The following COL6A5 variants were observed in gnomAD, a reference collection of about 807,000 sequenced individuals.
COL6A5 encodes collagen alpha-5(VI) chain.
In COL6A5, 48 loss-of-function variants were observed where a neutral mutation model predicts 65.6. The observed-to-expected ratio is 0.73, with a 90% confidence interval of 0.58 to 0.93. The LOEUF is 0.93. Among genes scored for constraint, COL6A5 ranks in the 40% least tolerant of loss-of-function variants. COL6A5 has a pLI of 0.00. For missense variants in COL6A5, 914 were observed against 928.3 expected (o/e 0.98, Z 0.20); for synonymous variants, 291 against 322.8 (o/e 0.90, Z 1.05).
intron 1 of COL6A5, among the ~76,000 whole-genome samples, chr3:130,368,354 A>G (rs991585718): frequency 3.3e-5 from 5 of 152,204 alleles, no homozygotes; most frequent in Non-Finnish European, 5.9e-5. Flanking sequence ...CAATAGTTGG[A>G]TAAATGGGGC....
intron 1 of COL6A5, among the ~76,000 whole-genome samples, chr3:130,353,846 A>T (rs1934813116): frequency 6.6e-6 from 1 of 152,062 alleles, no homozygotes; most frequent in Non-Finnish European, 1.5e-5. Context: ...ATAGAAGAAA[A>T]CCATAAAATA....
intron 24 of COL6A5, among the ~76,000 whole-genome samples, chr3:130,417,492 C>T (rs1230662309): frequency 1.3e-5 from 2 of 152,052 alleles, no homozygotes; most frequent in Non-Finnish European, 2.9e-5. Context: ...TGATCTCACC[C>T]ATCAGAAACA....
In COL6A5 at chr3:130,350,291, T is replaced by G. The variant is rs1165900477; in HGVS notation, c.-29+4310T>G. On this transcript the variant is annotated intron_variant and NMD_transcript_variant, in intron 1 of 41. Coordinates refer to the COL6A5 transcript ENST00000312481. ...CTCTCACCACTCCTATTCAACATAG[T>G]GTTGGAAGTTCTAGCCAGGGCAATC... Among the ~76,000 whole-genome samples, 3 of 152,132 alleles carry G rather than the reference T, an allele frequency of 2.0e-5. No homozygotes were observed. The East Asian group carries it at 5.8e-4, about 29-fold the overall frequency.
Position 130,409,967 on chromosome 3 carries a change from A to C in COL6A5, c.4543-42A>C, listed in dbSNP as rs773908145. 9 of 1,356,652 alleles carry C rather than the reference A, an allele frequency of 6.6e-6. No homozygotes were observed. In the East Asian group the frequency reaches 2.3e-4, roughly 34 times the overall value. 84.0% of individuals were successfully genotyped at this position (1,356,652 alleles called of 1,614,324 possible). On this transcript the variant is annotated intron_variant and NMD_transcript_variant, in intron 18 of 41. Transcript: ENST00000312481. ...TCATACCGTTTTGGGGAAAAAGCTG[A>C]TATTTCTGGATTCTAAACTACTTTT...
At chr3:130,406,960 T>C (rs1461167845) in intron 17 of COL6A5, among the ~76,000 whole-genome samples, 2 of 152,162 alleles carry the variant, frequency 1.3e-5, no homozygotes, top group Non-Finnish European at 2.9e-5. Flanking sequence ...TCATCAAAGA[T>C]CCCACAGTAT....
chr3:130,461,345 G>A (rs1330756367), intron 5 of COL6A5, among the ~76,000 whole-genome samples: 1 of 152,102 alleles, frequency 6.6e-6, no homozygotes, highest in African/African-American at 2.4e-5. Context: ...GATGAACAAT[G>A]AATGAGGAAT....
At position 130,458,254 on chromosome 3, in the gene COL6A5, A is replaced by C. The variant is rs187232719; in HGVS notation, c.1544+2588A>C. On this transcript the variant is annotated intron_variant, in intron 5 of 7. Coordinates refer to ENST00000512836, the Ensembl canonical transcript of COL6A5. Reference sequence around the variant, plus strand: ...CTATATCAGAATTATCTGGAAGCTCATTATAAGCACAGATTCCTAAGCCCT... The same window carrying C: ...CTATATCAGAATTATCTGGAAGCTCCTTATAAGCACAGATTCCTAAGCCCT... Among the ~76,000 whole-genome samples, 377 of 152,246 alleles carry C rather than the reference A, an allele frequency of 2.5e-3. 7 individuals are homozygous for C. The highest frequency in any genetic ancestry group is 0.02 in the Admixed American group (306 of 15,270).
chr3:130,403,135 G>C (rs886984858), intron 12 of COL6A5, among the ~76,000 whole-genome samples: 5 of 152,212 alleles, frequency 3.3e-5, no homozygotes, highest in African/African-American at 1.2e-4. Context: ...CCACAACACA[G>C]TTAAACCACA....
chr3:130,462,599 A>T (rs951908309), intron 5 of COL6A5, among the ~76,000 whole-genome samples: 2 of 152,134 alleles, frequency 1.3e-5, no homozygotes, highest in African/African-American at 4.8e-5. Context: ...TATATTTAAG[A>T]TAATGAAATT....
chr3:130,374,265 G>C (rs1935679621), intron 2 of COL6A5, among the ~76,000 whole-genome samples: 4 of 152,132 alleles, frequency 2.6e-5, no homozygotes, highest in Non-Finnish European at 5.9e-5. Context: ...TAGGGCATAT[G>C]ATACAACCTA....
intron 7 of COL6A5, chr3:130,471,904 T>A: frequency 6.5e-7 from 1 of 1,534,682 alleles, no homozygotes; most frequent in Non-Finnish European, 8.7e-7. Context: ...CTCTAGTGGT[T>A]GATAAACAGC....
At chr3:130,349,639 ACT>A (rs1559851126) in intron 1 of COL6A5, among the ~76,000 whole-genome samples, 6 of 152,210 alleles carry the variant, frequency 3.9e-5, no homozygotes, top group Non-Finnish European at 8.8e-5. Flanking sequence ...TTCATAGATA[ACT>A]AATTTATAAT....
chr3:130,414,064 A>G lies in COL6A5; in HGVS notation c.4699-5A>G. On this transcript the variant is annotated splice_polypyrimidine_tract_variant and splice_region_variant and intron_variant and NMD_transcript_variant, in intron 21 of 41. Coordinates refer to the COL6A5 transcript ENST00000312481. ...TGCTTGACACTGGAAACTCTTGTTC[A>G]TCAGGGAGAACCAGGAAATCCTGGA... The G allele has an allele frequency of 6.5e-7, 1 of 1,549,394 alleles. No homozygotes were observed. The highest frequency in any genetic ancestry group is 8.7e-7 in the Non-Finnish European group (1 of 1,145,010).
chr3:130,482,097 GT>G (rs1302442215), intron 7 of COL6A5, among the ~76,000 whole-genome samples: 1 of 152,142 alleles, frequency 6.6e-6, no homozygotes, highest in Non-Finnish European at 1.5e-5. Context: ...TGCTTTTGGT[GT>G]TTTAGTCATG....
At chr3:130,423,973 A>G in intron 29 of COL6A5, 73 bp downstream of exon 29, 2 of 1,161,678 alleles carry the variant, frequency 1.7e-6, no homozygotes, top group Non-Finnish European at 2.5e-6. Context: ...CACAGAATTT[A>G]AAGTCAAATG....
chr3:130,360,133 A>G (rs1302865970), intron 1 of COL6A5, among the ~76,000 whole-genome samples: 2 of 152,090 alleles, frequency 1.3e-5, no homozygotes, highest in African/African-American at 4.8e-5. Context: ...GTTTTATGGG[A>G]AAAATCCCCA....
At chr3:130,475,247 C>T (rs1710064945) in intron 7 of COL6A5, among the ~76,000 whole-genome samples, 1 of 151,260 alleles carries the variant, frequency 6.6e-6, no homozygotes, top group Non-Finnish European at 1.5e-5. Context: ...GACCAAAAAT[C>T]CCCCCAAATT....
chr3:130,397,840 G>A (rs79867908), exon 9 of COL6A5: 108,936 of 1,551,586 alleles, frequency 0.07, 4,960 homozygotes, highest in East Asian at 0.18. Flanking sequence ...GCAAGTCAAC[G>A]TCAGTGGGCC....
rs548046394 is a variant in COL6A5 at position 130,373,976 on chromosome 3, G to C, written c.67+271G>C. The stretch of plus-strand genomic sequence containing the variant: ...TTACATGTCTCCATGGATTGAGTCA[G>C]TCCATTTGTTTATAGATCCATTTGA... On this transcript the variant is annotated intron_variant and NMD_transcript_variant, in intron 2 of 41. Coordinates refer to the COL6A5 transcript ENST00000312481. Among the ~76,000 whole-genome samples, 336 of 152,256 alleles carry C rather than the reference G, an allele frequency of 2.2e-3. 1 individual carries two copies. Among genetic ancestry groups the C allele is most frequent in the South Asian group, 0.021 (103 of 4,814 alleles).
Sources: gnomAD v4.1 joint callset for allele counts (sites outside exome capture counted in the v4.1 genomes callset) on GRCh38, gnomAD v4.1.1 for gene constraint, MANE v1.5 for transcripts, NCBI Gene and HGNC (gene_info 2026-07-23, HGNC 2026-07-21) for gene names.